Variants in SLC49A4 observed in about 807,000 individuals in gnomAD.
SLC49A4 encodes the protein solute carrier family 49 member 4, also known as disrupted in renal cancer protein 2.
SLC49A4 carries 36 observed loss-of-function variants against 50.6 expected under a neutral mutation model. The ratio of observed to expected loss-of-function variants is 0.71; its 90% CI spans 0.55 to 0.94. The LOEUF is 0.94. SLC49A4 is among the 40% of genes least tolerant of loss of function. SLC49A4 has a pLI of 0.00. For missense variants in SLC49A4, 503 were observed against 605.7 expected (o/e 0.83, Z 1.78); for synonymous variants, 248 against 241.2 (o/e 1.03, Z -0.26).
intron 2 of SLC49A4, among the ~76,000 whole-genome samples, chr3:122,820,343 T>G (rs1237872816): frequency 6.6e-6 from 1 of 152,204 alleles, no homozygotes; most frequent in Admixed American, 6.5e-5. Flanking sequence ...GAAAGGAAAG[T>G]TATAAAATTA....
intron 2 of SLC49A4, among the ~76,000 whole-genome samples, chr3:122,819,741 C>A (rs1050238850): frequency 3.9e-5 from 6 of 152,130 alleles, no homozygotes; most frequent in African/African-American, 1.4e-4. Flanking sequence ...TTATTGCCCA[C>A]CTTTTCTTGG....
At chr3:122,819,822 A>T (rs1254663173) in intron 2 of SLC49A4, among the ~76,000 whole-genome samples, 1 of 151,308 alleles carries the variant, frequency 6.6e-6, no homozygotes, top group African/African-American at 2.4e-5. Flanking sequence ...TAAACACATG[A>T]CTTTTTTTTA....
intron 4 of SLC49A4, among the ~76,000 whole-genome samples, chr3:122,845,190 C>T (rs1156428782): frequency 6.6e-6 from 1 of 152,112 alleles, no homozygotes; most frequent in African/African-American, 2.4e-5. Flanking sequence ...ATGTTTAGCT[C>T]CCACTGATAA....
At chr3:122,820,433 C>T (rs762595772) in intron 2 of SLC49A4, among the ~76,000 whole-genome samples, 4 of 152,084 alleles carry the variant, frequency 2.6e-5, no homozygotes, top group African/African-American at 9.7e-5. Flanking sequence ...ACTTCTGGCT[C>T]TAAAGATTTT....
At chr3:122,795,644 G>T in intron 1 of SLC49A4, 109 bp downstream of exon 1, 1 of 1,469,140 alleles carries the variant, frequency 6.8e-7, no homozygotes, top group Non-Finnish European at 8.9e-7. Flanking sequence ...TAGGGGTTGT[G>T]TGAGGTGATA....
chr3:122,803,797 G>T (rs909487971), intron 1 of SLC49A4, among the ~76,000 whole-genome samples: 1 of 152,142 alleles, frequency 6.6e-6, no homozygotes, highest in Non-Finnish European at 1.5e-5. Flanking sequence ...CACTCAATGG[G>T]TCCCCAGCAA....
At chr3:122,851,732 C>T (rs1028430029) in intron 5 of SLC49A4, among the ~76,000 whole-genome samples, 10 of 152,020 alleles carry the variant, frequency 6.6e-5, no homozygotes, top group African/African-American at 2.2e-4. Context: ...AACTTGTGCT[C>T]TGTTTTCTCT....
chr3:122,845,462 C>T (rs973942995), intron 4 of SLC49A4, among the ~76,000 whole-genome samples: 3 of 151,984 alleles, frequency 2.0e-5, no homozygotes, highest in African/African-American at 7.2e-5. Context: ...AGTGATTTAC[C>T]CAATAATGGA....
intron 1 of SLC49A4, among the ~76,000 whole-genome samples, chr3:122,801,870 G>C (rs1936138559): frequency 6.6e-6 from 1 of 152,128 alleles, no homozygotes; most frequent in Admixed American, 6.6e-5. Context: ...GGTGTGTGGT[G>C]GTCTGTAGAC....
intron 2 of SLC49A4, among the ~76,000 whole-genome samples, chr3:122,817,370 C>T (rs1343838137): frequency 3.3e-5 from 5 of 152,148 alleles, no homozygotes; most frequent in Admixed American, 6.5e-5. Context: ...TCTAGAGCCT[C>T]TTGAAAGGAA....
At chr3:122,852,221 A>T (rs1576306665) in intron 5 of SLC49A4, among the ~76,000 whole-genome samples, 1 of 152,102 alleles carries the variant, frequency 6.6e-6, no homozygotes, top group East Asian at 1.9e-4. Context: ...CAAACTCCTG[A>T]CCTCAGGTGA....
At chr3:122,830,449 A>G (rs1038928498) in intron 3 of SLC49A4, among the ~76,000 whole-genome samples, 1 of 152,234 alleles carries the variant, frequency 6.6e-6, no homozygotes. Flanking sequence ...GTACTGGCAT[A>G]AGGATAGGCA....
At chr3:122,856,655 G>A (rs1364162004) in intron 6 of SLC49A4, among the ~76,000 whole-genome samples, 6 of 151,934 alleles carry the variant, frequency 3.9e-5, no homozygotes, top group African/African-American at 1.5e-4. Context: ...TGGCCAACAC[G>A]GCAAAACCCT....
chr3:122,849,567 T>C (rs1936898692), intron 5 of SLC49A4, among the ~76,000 whole-genome samples: 1 of 152,218 alleles, frequency 6.6e-6, no homozygotes, highest in Admixed American at 6.5e-5. Flanking sequence ...TACATTTCCC[T>C]GATTATTAGT....
chr3:122,825,992 T>C (rs1473120961), intron 2 of SLC49A4, among the ~76,000 whole-genome samples: 1 of 152,156 alleles, frequency 6.6e-6, no homozygotes, highest in Non-Finnish European at 1.5e-5. Flanking sequence ...ACCCTTACAA[T>C]TAAAGTCAGA....
Position 122,795,336 on chromosome 3 carries a change from C to A in SLC49A4, c.144C>A (p.Tyr48Ter). Reference sequence around the variant, plus strand: ...CGGTCCCGGGTCCCGGGCGGGTATACGGGCGCCGCTGGCTGGTGCTGCTGC... The same window carrying A: ...CGGTCCCGGGTCCCGGGCGGGTATAAGGGCGCCGCTGGCTGGTGCTGCTGC... ...PAAVPGPGRV[Y>*]GRRWLVLLLF... is the part of the protein sequence containing the mutation. The change falls in exon 1 of 9, where the codon TAC becomes TAA. Residue 48 changes from tyrosine to a stop codon, truncating the protein, a stop_gained. Transcript: ENST00000261038. LOFTEE classifies it high-confidence loss of function. The A allele has an allele frequency of 6.5e-7, 1 of 1,544,878 alleles. No homozygotes were observed. Among genetic ancestry groups the A allele is most frequent in the East Asian group, 2.6e-5 (1 of 39,078 alleles).
At chr3:122,841,457 C>G (rs1936768307) in intron 4 of SLC49A4, among the ~76,000 whole-genome samples, 1 of 152,186 alleles carries the variant, frequency 6.6e-6, no homozygotes, top group East Asian at 1.9e-4. Flanking sequence ...GATGATGATA[C>G]TAGAGACAAC....
At position 122,795,527 on chromosome 3, in the gene SLC49A4, AC is replaced by A. The variant is rs1936014439; in HGVS notation, c.336del (p.Asp112GlufsTer7). ...TGCTTCGCGTTCATGTGGCTCCTGG[AC>A]AAGAGAGGTGAGGGGTCGCGGAGCG... ...LPCFAFMWLL[D>X]KRGLRITVLL... On this transcript the variant is annotated frameshift_variant, in exon 1 of 9. Transcript: ENST00000261038. LOFTEE classifies it high-confidence loss of function. 1 of 1,596,438 alleles carries A rather than the reference AC, an allele frequency of 6.3e-7. No individual in the cohort carries two copies. Among genetic ancestry groups the A allele is most frequent in the Non-Finnish European group, 8.5e-7 (1 of 1,177,170 alleles).
intron 7 of SLC49A4, among the ~76,000 whole-genome samples, chr3:122,866,799 A>G (rs1316276450): frequency 6.6e-6 from 1 of 151,818 alleles, no homozygotes; most frequent in African/African-American, 2.4e-5. Context: ...TTCTAAACCT[A>G]TCATAGATTG....
Sources: allele counts gnomAD v4.1 joint callset (sites outside exome capture counted in the v4.1 genomes callset), GRCh38; gene constraint gnomAD v4.1.1; transcripts MANE v1.5; gene names NCBI Gene and HGNC (gene_info 2026-07-23, HGNC 2026-07-21).